SHANK1: variants seen among roughly 807,000 people sequenced by gnomAD.
SHANK1 encodes the protein SH3 and multiple ankyrin repeat domains 1.
A neutral mutation model predicts 165.6 loss-of-function variants in SHANK1; 35 were observed. The ratio of observed to expected loss-of-function variants is 0.21; its 90% confidence interval spans 0.16 to 0.28. The LOEUF is 0.28. Among genes scored for constraint, SHANK1 ranks in the 10% least tolerant of loss-of-function variants. The pLI is 1.00. For synonymous variants in SHANK1, 1,428 were observed against 1,384.8 expected, an observed-to-expected ratio of 1.03 and a Z score of -0.69; for missense variants, 2,681 against 3,036.4, an observed-to-expected ratio of 0.88 and a Z score of 2.75.
chr19:50,674,625 C>G (rs1257076891), intron 21 of SHANK1, among the ~76,000 whole-genome samples: 1 of 152,164 alleles, frequency 6.6e-6, no homozygotes, highest in Non-Finnish European at 1.5e-5. Flanking sequence ...CCCCCTAGAG[C>G]AGCCACTAGC....
At position 50,688,171 on chromosome 19, in the gene SHANK1, G is replaced by T; in HGVS notation, c.2173-113C>A. 1 of 1,313,168 alleles carries T rather than the reference G, an allele frequency of 7.6e-7. No individual in the cohort carries two copies. The highest frequency in any genetic ancestry group is 1.1e-6 in the Non-Finnish European group (1 of 939,786). The allele number at this position is 1,313,168 out of a possible 1,614,324, so 81.3% of individuals were successfully genotyped here. On this transcript the variant is annotated intron_variant, in intron 17 of 23. Coordinates refer to ENST00000293441, the MANE Select transcript of SHANK1 (RefSeq NM_016148.5). This position sits in a 1 kb window ranked among gnomAD's most constrained non-coding sequence, Gnocchi z 6.7. ...CGCTGCCCTGTCCATGGCCCTCTGG[G>T]CTATGTTCCTCTCCCTCCGACCCTT...
At chr19:50,691,055 C>T (rs1986523127) in intron 15 of SHANK1, among the ~76,000 whole-genome samples, 1 of 152,100 alleles carries the variant, frequency 6.6e-6, no homozygotes, top group African/African-American at 2.4e-5. Context: ...ACAGTCCTCG[C>T]TCAAAGTTCG....
chr19:50,662,601 C>A lies in SHANK1; in HGVS notation c.5850G>T (p.Pro1950=). The change falls in exon 24 of 24, where the codon CCG becomes CCT. Residue 1950 remains proline, a synonymous_variant. Transcript: ENST00000293441. The surrounding 1 kb of genome is among the most constrained non-coding windows in gnomAD (Gnocchi z 7.7). ...AGACCCCTGTTCCGGTGGGGAGTGG[C>A]GGCAGAGGTGGTTTGGGCCAGTTCT... ...LFQNWPKPPL[P]PLPTGTGVSP... 1 of 1,563,794 alleles carries A rather than the reference C, an allele frequency of 6.4e-7. No homozygotes were observed.
chr19:50,717,069 A>C lies in SHANK1; in HGVS notation c.-43-107T>G. 1 of 936,974 alleles carries C rather than the reference A, an allele frequency of 1.1e-6. No individual in the cohort carries two copies. The highest frequency in any genetic ancestry group is 1.5e-6 in the Non-Finnish European group (1 of 689,532). 58.0% of individuals were successfully genotyped at this position (936,974 alleles called of 1,614,324 possible). A position where few individuals can be genotyped will look rare whatever the true frequency, so the allele number is the denominator to read the frequency against. On this transcript the variant is annotated intron_variant, in intron 1 of 23. Transcript: ENST00000293441. The surrounding 1 kb of genome is among the most constrained non-coding windows in gnomAD (Gnocchi z 5.5). The stretch of plus-strand genomic sequence containing the variant: ...CAAGGGCAGCCTACCCCCACTGCCC[A>C]AGATAGGCAGGAAGGAGGCTGGACA...
At position 50,711,883 on chromosome 19, in the gene SHANK1, C is replaced by T. The variant is rs1260202877; in HGVS notation, c.960+64G>A. Reference sequence around the variant, plus strand: ...CCTGGCATCTGGTTCCCAGCCCCAGCCCCTTGGATGCCTCAGGGACTGGGT... The same window carrying T: ...CCTGGCATCTGGTTCCCAGCCCCAGTCCCTTGGATGCCTCAGGGACTGGGT... On this transcript the variant is annotated intron_variant, in intron 7 of 23. Coordinates refer to ENST00000293441, the MANE Select transcript of SHANK1 (RefSeq NM_016148.5). The T allele has an allele frequency of 1.8e-5, 28 of 1,580,270 alleles. No individual in the cohort carries two copies. The East Asian group carries it at 5.6e-4, about 32-fold the overall frequency.
intron 21 of SHANK1, among the ~76,000 whole-genome samples, chr19:50,678,805 A>G (rs139790102): frequency 0.45 from 1,230 of 2,752 alleles, 278 homozygotes; most frequent in Admixed American, 0.49. Context: ...GGAGGGGTCA[A>G]GATGATGGGG....
rs776724868 is a variant in SHANK1, at chr19:50,668,377, C to A, written c.3583G>T (p.Gly1195Cys). 3 of 1,259,972 alleles carry A rather than the reference C, an allele frequency of 2.4e-6. No homozygotes were observed. In the South Asian group the frequency reaches 1.0e-4, roughly 42 times the overall value. 78.0% of individuals were successfully genotyped at this position (1,259,972 alleles called of 1,614,324 possible). Residue 1195 changes from glycine (G) to cysteine (C), a missense_variant, in exon 23 of 24, where the codon GGC becomes TGC. By Grantham distance (159) the Gly-to-Cys change is radical. Coordinates refer to ENST00000293441, the MANE Select transcript of SHANK1 (RefSeq NM_016148.5). ...GCCGGGGCGGGGCTGGGCGAGGAGC[C>A]GCCGCCGCCGCCGCCTCCCGTGGGC... is the stretch of plus-strand genomic sequence containing the variant. Reference protein sequence around the residue: ...PEPTGGGGGGGSSPSPAPAMS... With the variant: ...PEPTGGGGGGCSSPSPAPAMS...
intron 21 of SHANK1, among the ~76,000 whole-genome samples, chr19:50,677,688 A>C (rs1986025270): frequency 6.6e-6 from 1 of 152,166 alleles, no homozygotes; most frequent in Non-Finnish European, 1.5e-5. Context: ...AGACACCCTG[A>C]CAAGATGTGG....
chr19:50,712,410 G>T (rs2089019996), intron 6 of SHANK1, among the ~76,000 whole-genome samples: 1 of 152,190 alleles, frequency 6.6e-6, no homozygotes, highest in Non-Finnish European at 1.5e-5. Flanking sequence ...GCCATTGAAA[G>T]ACATTAGGGG....
intron 8 of SHANK1, among the ~76,000 whole-genome samples, chr19:50,710,803 C>T (rs980957280): frequency 4.6e-5 from 7 of 152,244 alleles, no homozygotes; most frequent in South Asian, 2.1e-4. Context: ...CCTGCCGTGC[C>T]GCCACGTGGC....
chr19:50,704,026 T>C lies in SHANK1; in HGVS notation c.1222+94A>G. On this transcript the variant is annotated intron_variant, in intron 10 of 23. Transcript: ENST00000293441. ...CTCTAGGGTTTTCTCCATCCTATCC[T>C]GGCCCCCAAGTCAGGTCCCCCAACT... The C allele has an allele frequency of 3.0e-6, 4 of 1,323,488 alleles. No individual in the cohort carries two copies. The South Asian group carries it at 4.9e-5, about 16-fold the overall frequency. The allele number at this position is 1,323,488 out of a possible 1,614,324, so 82.0% of individuals were successfully genotyped here. A position where few individuals can be genotyped will look rare whatever the true frequency, so the allele number is the denominator to read the frequency against.
Position 50,719,736 on chromosome 19 carries a change from G to A in SHANK1, c.-374C>T, listed in dbSNP as rs2089116164. Among the ~76,000 whole-genome samples the A allele has an allele frequency of 6.7e-6, 1 of 149,566 alleles. No individual in the cohort carries two copies. Among genetic ancestry groups the A allele is most frequent in the African/African-American group, 2.5e-5 (1 of 40,670 alleles). ...TCTTCCTCCTCCTCTTCCTCGGGCC[G>A]CCGCCGCCGCCGCCCGCTCCGCGCC... On this transcript the variant is annotated 5_prime_UTR_variant, in exon 1 of 24. Transcript: ENST00000293441.
In SHANK1 at chr19:50,681,833, G is replaced by A. The variant is rs189771734; in HGVS notation, c.2577+4404C>T. 1.1e-4 allele frequency among the ~76,000 whole-genome samples: 16 copies of A among 151,720 alleles called. No homozygotes were observed. In the East Asian group the frequency reaches 1.7e-3, roughly 17 times the overall value. On this transcript the variant is annotated intron_variant, in intron 21 of 23. Coordinates refer to ENST00000293441, the MANE Select transcript of SHANK1 (RefSeq NM_016148.5). ...GTTGCCCAGGCTGGAGCTCAGTGGC[G>A]CAAGCATGGCTCACTGCAGCTTTGA...
rs565857115 is a variant in SHANK1, at chr19:50,663,869, C to T, written c.5769-1187G>A. On this transcript the variant is annotated intron_variant, in intron 23 of 23. Transcript: ENST00000293441. ...CACATTTGTTTGTTTATTTTTACAG[C>T]GTAGGAGCATTGATTCAAGTTGCTC... 1.1e-4 allele frequency among the ~76,000 whole-genome samples: 16 copies of T among 151,456 alleles called. No individual in the cohort carries two copies. The South Asian group carries it at 2.5e-3, about 24-fold the overall frequency.
In SHANK1 at chr19:50,662,641, A is replaced by T. The variant is rs1205160038; in HGVS notation, c.5810T>A (p.Val1937Asp). Residue 1937 changes from valine to aspartate, a missense_variant, in exon 24 of 24, where the codon GTC (valine) becomes GAC (aspartate). This residue lies in a region of SHANK1 where 1,713 missense variants were observed against 1,630.2 expected (regional missense o/e 1.05). Transcript: ENST00000293441. The surrounding 1 kb of genome is among the most constrained non-coding windows in gnomAD (Gnocchi z 7.7). ...GGGCCAGTTCTGAAACAGGCTGCTG[A>T]CAGGCTTGGAGAGGAGTGAGGACTG... ...DSQSSLLSKP[V>D]SSLFQNWPKP... 1.9e-6 allele frequency: 3 copies of T among 1,565,062 alleles called. No homozygotes were observed. The highest frequency in any genetic ancestry group is 2.6e-6 in the Non-Finnish European group (3 of 1,154,828).
chr19:50,670,372 G>A lies in SHANK1; in HGVS notation c.2675-1087C>T, dbSNP rs113697631. 2.0e-5 allele frequency among the ~76,000 whole-genome samples: 3 copies of A among 152,080 alleles called. No homozygotes were observed. The highest frequency in any genetic ancestry group is 7.2e-5 in the African/African-American group (3 of 41,474). ...TCACCCCTCCAGAGTCAACACCCTGGGCCAGCCACTATCATTTCCTATCTG... is the reference window on the plus strand; with the variant it reads ...TCACCCCTCCAGAGTCAACACCCTGAGCCAGCCACTATCATTTCCTATCTG... On this transcript the variant is annotated intron_variant, in intron 22 of 23. Transcript: ENST00000293441. This position sits in a 1 kb window ranked among gnomAD's most constrained non-coding sequence, Gnocchi z 4.1.
At position 50,713,112 on chromosome 19, in the gene SHANK1, G is replaced by T. The variant is rs1022042293; in HGVS notation, c.792+686C>A. Among the ~76,000 whole-genome samples the T allele has an allele frequency of 2.6e-5, 4 of 152,120 alleles. No homozygotes were observed. The highest frequency in any genetic ancestry group is 5.9e-5 in the Non-Finnish European group (4 of 68,020). Reference sequence around the variant, plus strand: ...ATCTGAGGGAGAGAAGGGAGGGGCCGTTTAGCTGGAGCAGCTGTGCGTCGG... The same window carrying T: ...ATCTGAGGGAGAGAAGGGAGGGGCCTTTTAGCTGGAGCAGCTGTGCGTCGG... On this transcript the variant is annotated intron_variant, in intron 6 of 23. Transcript: ENST00000293441. This position sits in a 1 kb window ranked among gnomAD's most constrained non-coding sequence, Gnocchi z 6.2.
chr19:50,667,310 G>A lies in SHANK1; in HGVS notation c.4650C>T (p.Pro1550=), dbSNP rs145013267. 4.6e-4 allele frequency: 736 copies of A among 1,590,736 alleles called. 5 individuals are homozygous for A. The African/African-American group carries it at 8.1e-3, about 17-fold the overall frequency. ...CATCTTCCACATCCACCGAGGGGGC[G>A]GGAGGCGGCAGGACCAGCAGGGGCA... The part of the protein sequence containing the change: ...NGLPLLVLPP[P]APSVDVEDGE... Residue 1550 remains proline, a synonymous_variant, in exon 23 of 24, where the codon CCC becomes CCT. Transcript: ENST00000293441. The surrounding 1 kb of genome is among the most constrained non-coding windows in gnomAD (Gnocchi z 5.7).
At chr19:50,711,924 T>G (rs767578730) in intron 7 of SHANK1, 23 bp downstream of exon 7, 5 of 1,613,738 alleles carry the variant, frequency 3.1e-6, no homozygotes, top group Non-Finnish European at 4.2e-6. Flanking sequence ...ACCCCAGCCC[T>G]TCATGGCCTG....
Sources: gnomAD v4.1 joint callset for allele counts (sites outside exome capture counted in the v4.1 genomes callset) on GRCh38, gnomAD v4.1.1 for gene constraint, gnomAD v4.1.1 regional missense constraint, Gnocchi (gnomAD v3.1) non-coding constraint, MANE v1.5 for transcripts, NCBI Gene and HGNC (gene_info 2026-07-23, HGNC 2026-07-21) for gene names.